Variants in KCTD8 observed in about 807,000 individuals in gnomAD.
The protein encoded by KCTD8 is BTB/POZ domain-containing protein KCTD8.
Under a neutral mutation model 31.5 loss-of-function variants are expected in KCTD8, and 27 were observed. That is an observed-to-expected ratio of 0.86 (90% CI 0.63 to 1.18). The LOEUF (loss-of-function observed/expected upper bound fraction) is 1.18. KCTD8 is among the 50% of genes most tolerant of loss of function. The pLI, the probability that KCTD8 is intolerant of heterozygous loss-of-function variation, is 0.00. For missense variants in KCTD8, 658 were observed against 647.7 expected (o/e 1.02, Z -0.17); for synonymous variants, 290 against 280.0 (o/e 1.04, Z -0.36).
At chr4:44,361,323 A>G (rs1020536160) in intron 1 of KCTD8, among the ~76,000 whole-genome samples, 11 of 152,066 alleles carry the variant, frequency 7.2e-5, no homozygotes, top group African/African-American at 2.7e-4. Flanking sequence ...GCCATATAGT[A>G]TATTATAAGA....
intron 1 of KCTD8, among the ~76,000 whole-genome samples, chr4:44,421,933 T>G (rs1022390197): frequency 6.6e-6 from 1 of 152,176 alleles, no homozygotes; most frequent in Non-Finnish European, 1.5e-5. Flanking sequence ...CTTATTTAAA[T>G]TATTCTGTGC....
At chr4:44,254,997 A>G (rs998420834) in intron 1 of KCTD8, among the ~76,000 whole-genome samples, 5 of 151,848 alleles carry the variant, frequency 3.3e-5, no homozygotes, top group African/African-American at 1.2e-4. Flanking sequence ...GGGTTTCCAC[A>G]CCCCAGAAAT....
At chr4:44,368,993 A>C (rs1719712145) in intron 1 of KCTD8, among the ~76,000 whole-genome samples, 1 of 152,042 alleles carries the variant, frequency 6.6e-6, no homozygotes, top group South Asian at 2.1e-4. Context: ...CTTTTTTTGC[A>C]GTTACCTGTA....
intron 1 of KCTD8, among the ~76,000 whole-genome samples, chr4:44,260,409 A>T (rs1174633121): frequency 6.6e-6 from 1 of 151,954 alleles, no homozygotes; most frequent in Non-Finnish European, 1.5e-5. Context: ...AAAGTTGAGA[A>T]CAACAAAATA....
intron 1 of KCTD8, among the ~76,000 whole-genome samples, chr4:44,181,656 C>A (rs867603377): frequency 1.6e-4 from 24 of 152,318 alleles, no homozygotes; most frequent in Admixed American, 3.9e-4. Context: ...GCAGCCTCTG[C>A]CCCGGCCGCC....
In KCTD8 at chr4:44,259,410, T is replaced by A. The variant is rs150369888; in HGVS notation, c.962-84160A>T. On this transcript the variant is annotated intron_variant, in intron 1 of 1. Transcript: ENST00000360029. The stretch of plus-strand genomic sequence containing the variant: ...TCTGGCAAATAGAAAGTTTCTGTAA[T>A]ACTTCCCCTTTCAAGTACATATGGC... Among the ~76,000 whole-genome samples the A allele has an allele frequency of 6.1e-3, 929 of 152,006 alleles. 13 individuals are homozygous for A. Among genetic ancestry groups the A allele is most frequent in the African/African-American group, 0.021 (866 of 41,548 alleles).
intron 1 of KCTD8, among the ~76,000 whole-genome samples, chr4:44,383,317 A>C (rs1162661641): frequency 1.3e-5 from 2 of 152,048 alleles, no homozygotes; most frequent in Non-Finnish European, 2.9e-5. Context: ...GAAAAAAACA[A>C]TTTTAAAATC....
intron 1 of KCTD8, among the ~76,000 whole-genome samples, chr4:44,192,424 GA>G (rs981257501): frequency 1.4e-4 from 20 of 144,976 alleles, no homozygotes; most frequent in African/African-American, 3.0e-4. Context: ...GTCCTGAGGG[GA>G]AAAAAAAAAT....
At chr4:44,225,534 T>C (rs1342307919) in intron 1 of KCTD8, among the ~76,000 whole-genome samples, 1 of 152,216 alleles carries the variant, frequency 6.6e-6, no homozygotes, top group African/African-American at 2.4e-5. Flanking sequence ...ACTTATCATA[T>C]TGGATTTTTT....
intron 1 of KCTD8, among the ~76,000 whole-genome samples, chr4:44,241,855 T>C (rs1034341291): frequency 4.6e-5 from 7 of 152,200 alleles, no homozygotes; most frequent in African/African-American, 1.4e-4. Context: ...TGTTTCAGAG[T>C]TACTAAGGAA....
chr4:44,415,642 A>C (rs1428888924), intron 1 of KCTD8, among the ~76,000 whole-genome samples: 2 of 152,168 alleles, frequency 1.3e-5, no homozygotes, highest in Non-Finnish European at 2.9e-5. Context: ...AAGGACATCA[A>C]GGTACAATTT....
chr4:44,357,183 C>T (rs1216798808), intron 1 of KCTD8, among the ~76,000 whole-genome samples: 1 of 151,328 alleles, frequency 6.6e-6, no homozygotes. Context: ...CATTCTACTC[C>T]CCTTTCAAAG....
chr4:44,219,621 A>T (rs538625788), intron 1 of KCTD8, among the ~76,000 whole-genome samples: 125 of 152,336 alleles, frequency 8.2e-4, no homozygotes, highest in African/African-American at 2.9e-3. Flanking sequence ...TTCTACCCTT[A>T]GTTGTAGAGG....
chr4:44,353,012 C>A (rs546775305), intron 1 of KCTD8, among the ~76,000 whole-genome samples: 6 of 152,136 alleles, frequency 3.9e-5, no homozygotes, highest in African/African-American at 1.4e-4. Flanking sequence ...TTTAAGTGTA[C>A]AATACAATGA....
At chr4:44,443,111 T>C (rs1340135574) in intron 1 of KCTD8, among the ~76,000 whole-genome samples, 4 of 152,350 alleles carry the variant, frequency 2.6e-5, no homozygotes, top group South Asian at 4.1e-4. Context: ...TAAATCAGAA[T>C]CTTGATGTTT....
At chr4:44,237,397 A>T (rs1715324017) in intron 1 of KCTD8, among the ~76,000 whole-genome samples, 1 of 152,166 alleles carries the variant, frequency 6.6e-6, no homozygotes, top group East Asian at 1.9e-4. Flanking sequence ...CTCTTAGAAC[A>T]GACCATGACC....
chr4:44,434,080 T>C (rs1409732492), intron 1 of KCTD8, among the ~76,000 whole-genome samples: 1 of 151,874 alleles, frequency 6.6e-6, no homozygotes, highest in Non-Finnish European at 1.5e-5. Flanking sequence ...TCCCCTGATA[T>C]CCAGCCAAAT....
At chr4:44,404,899 CTT>C in intron 1 of KCTD8, among the ~76,000 whole-genome samples, 1 of 152,264 alleles carries the variant, frequency 6.6e-6, no homozygotes, top group African/African-American at 2.4e-5. Flanking sequence ...AAATGCCTCT[CTT>C]GTTTCATATA....
chr4:44,222,819 G>A (rs1714845197), intron 1 of KCTD8, among the ~76,000 whole-genome samples: 1 of 152,054 alleles, frequency 6.6e-6, no homozygotes, highest in South Asian at 2.1e-4. Context: ...AAAAATACTT[G>A]GAAGCAAAAA....
Sources: gnomAD v4.1 joint callset for allele counts (sites outside exome capture counted in the v4.1 genomes callset) on GRCh38, gnomAD v4.1.1 for gene constraint, MANE v1.5 for transcripts, NCBI Gene and HGNC (gene_info 2026-07-23, HGNC 2026-07-21) for gene names.